The following ITPKB variants were observed in gnomAD, a reference collection of about 807,000 sequenced individuals.
ITPKB encodes the protein IP3 3-kinase B.
A neutral mutation model predicts 69.4 loss-of-function variants in ITPKB; 13 were observed. That is an observed-to-expected ratio of 0.19 (90% confidence interval 0.12 to 0.30). The LOEUF (loss-of-function observed/expected upper bound fraction) is 0.30, where lower values mean the gene tolerates loss of function less well. ITPKB is among the 10% of genes least tolerant of loss of function. ITPKB has a pLI of 1.00. For synonymous variants in ITPKB, 584 were observed against 513.7 expected (o/e 1.14, Z -1.85); for missense variants, 1,240 against 1,250.5 (o/e 0.99, Z 0.13).
chr1:226,723,080 C>G (rs561842251), intron 2 of ITPKB, among the ~76,000 whole-genome samples: 2 of 152,294 alleles, frequency 1.3e-5, no homozygotes, highest in African/African-American at 2.4e-5. Context: ...CAGATGGAAC[C>G]TGTAGCCATC....
At chr1:226,724,510 G>C (rs1461017739) in intron 2 of ITPKB, among the ~76,000 whole-genome samples, 8 of 152,176 alleles carry the variant, frequency 5.3e-5, no homozygotes, top group Non-Finnish European at 7.3e-5. Context: ...AGTATGTCCA[G>C]ACGCTGTGCT....
At chr1:226,727,622 G>A (rs748826176) in intron 2 of ITPKB, among the ~76,000 whole-genome samples, 29 of 152,224 alleles carry the variant, frequency 1.9e-4, no homozygotes, top group Non-Finnish European at 3.8e-4. Context: ...ATGGATGGGG[G>A]CAGGGAGGGG....
At chr1:226,725,569 A>T (rs1423483505) in intron 2 of ITPKB, among the ~76,000 whole-genome samples, 1 of 152,216 alleles carries the variant, frequency 6.6e-6, no homozygotes, top group Non-Finnish European at 1.5e-5. Flanking sequence ...CCATGCCCCC[A>T]TTAAGTACCC....
chr1:226,658,280 T>C (rs1669334335), intron 2 of ITPKB, among the ~76,000 whole-genome samples: 1 of 152,220 alleles, frequency 6.6e-6, no homozygotes, highest in Non-Finnish European at 1.5e-5. Flanking sequence ...TTGTTCATTG[T>C]ATTCCCCCTG....
intron 2 of ITPKB, among the ~76,000 whole-genome samples, chr1:226,689,442 G>T (rs567519913): frequency 6.6e-6 from 1 of 152,318 alleles, no homozygotes; most frequent in East Asian, 1.9e-4. Context: ...TACTGTGGTA[G>T]GCCCAGGGAA....
rs1020808671 is a variant in ITPKB, at chr1:226,632,175, C to T, written c.*2496G>A. 2.4e-4 allele frequency: 37 copies of T among 152,684 alleles called. No homozygotes were observed. The highest frequency in any genetic ancestry group is 4.1e-4 in the Non-Finnish European group (28 of 68,054). 9.5% of individuals were successfully genotyped at this position (152,684 alleles called of 1,614,324 possible). ...AAAAGCAAGCAGTTGAAGAAACCTTCCGAGAATGCTAAGCAGTGCTGAATG... is the reference window on the plus strand; with the variant it reads ...AAAAGCAAGCAGTTGAAGAAACCTTTCGAGAATGCTAAGCAGTGCTGAATG... On this transcript the variant is annotated 3_prime_UTR_variant, in exon 8 of 8. Coordinates refer to ENST00000429204, the MANE Select transcript of ITPKB (RefSeq NM_002221.4).
At chr1:226,691,139 A>C (rs1656339327) in intron 2 of ITPKB, among the ~76,000 whole-genome samples, 1 of 152,076 alleles carries the variant, frequency 6.6e-6, no homozygotes, top group African/African-American at 2.4e-5. Context: ...GATGGTGGTG[A>C]TGGCTGCGTG....
intron 2 of ITPKB, among the ~76,000 whole-genome samples, chr1:226,693,614 T>C (rs935113195): frequency 1.3e-5 from 2 of 152,252 alleles, no homozygotes; most frequent in African/African-American, 4.8e-5. Context: ...TTATTTTCTA[T>C]TCTACTCTAT....
At chr1:226,640,267 C>T (rs1331886487) in intron 5 of ITPKB, among the ~76,000 whole-genome samples, 2 of 152,230 alleles carry the variant, frequency 1.3e-5, no homozygotes, top group Non-Finnish European at 1.5e-5. Flanking sequence ...TTCAGGCTGT[C>T]CTGGGCCCTC....
intron 4 of ITPKB, among the ~76,000 whole-genome samples, chr1:226,643,893 G>C (rs1157330555): frequency 1.3e-5 from 2 of 152,238 alleles, no homozygotes; most frequent in Non-Finnish European, 2.9e-5. Context: ...ACCCATGCAG[G>C]ACACGCACAG....
At chr1:226,649,518 T>C (rs562979997) in intron 2 of ITPKB, among the ~76,000 whole-genome samples, 12 of 148,460 alleles carry the variant, frequency 8.1e-5, no homozygotes, top group African/African-American at 2.3e-4. Flanking sequence ...TATGTGCATG[T>C]GTGTGATGTG....
chr1:226,736,418 C>T lies in ITPKB; in HGVS notation c.1041G>A (p.Gly347=). 1 of 1,612,794 alleles carries T rather than the reference C, an allele frequency of 6.2e-7. No homozygotes were observed. Among genetic ancestry groups the T allele is most frequent in the Non-Finnish European group, 8.5e-7 (1 of 1,180,000 alleles). The change falls in exon 2 of 8, where the codon GGG becomes GGA. Residue 347 remains glycine, a synonymous_variant. Coordinates refer to ENST00000429204, the MANE Select transcript of ITPKB (RefSeq NM_002221.4). ...QPPEALVERQ[G]QFLGSETSPA... is the part of the protein sequence containing the mutation. ...GGCTTGTCTCACTGCCCAGAAACTG[C>T]CCCTGCCTCTCCACCAGGGCCTCTG...
At chr1:226,659,860 G>A (rs1408952110) in intron 2 of ITPKB, among the ~76,000 whole-genome samples, 8 of 152,136 alleles carry the variant, frequency 5.3e-5, no homozygotes, top group Non-Finnish European at 1.2e-4. Flanking sequence ...CCCCCAGGCT[G>A]CACAGCCGGC....
intron 2 of ITPKB, among the ~76,000 whole-genome samples, chr1:226,713,663 C>T (rs193186226): frequency 6.6e-6 from 1 of 152,212 alleles, no homozygotes; most frequent in African/African-American, 2.4e-5. Context: ...GGCATCTCTT[C>T]GCTCTCAGAC....
intron 2 of ITPKB, among the ~76,000 whole-genome samples, chr1:226,650,619 G>T (rs183513578): frequency 2.0e-5 from 3 of 152,378 alleles, no homozygotes; most frequent in Non-Finnish European, 2.9e-5. Context: ...AGCCATTACG[G>T]TGGGTCCAGG....
chr1:226,657,576 G>T (rs1304526595), intron 2 of ITPKB, among the ~76,000 whole-genome samples: 1 of 152,136 alleles, frequency 6.6e-6, no homozygotes, highest in Non-Finnish European at 1.5e-5. Context: ...CTCCGAAAAC[G>T]GTATTGCCAG....
chr1:226,707,604 G>T, intron 2 of ITPKB: 7 of 987,642 alleles, frequency 7.1e-6, no homozygotes, highest in Non-Finnish European at 7.2e-6. Context: ...GGCAGTGGGG[G>T]CTCAATGGGG....
At chr1:226,652,007 G>A (rs1232099519) in intron 2 of ITPKB, among the ~76,000 whole-genome samples, 1 of 152,254 alleles carries the variant, frequency 6.6e-6, no homozygotes, top group Non-Finnish European at 1.5e-5. Context: ...TATTCCACTT[G>A]TGAGAATGCC....
intron 2 of ITPKB, among the ~76,000 whole-genome samples, chr1:226,665,866 C>T (rs1669491493): frequency 6.6e-6 from 1 of 152,220 alleles, no homozygotes; most frequent in South Asian, 2.1e-4. Flanking sequence ...GAGACACTCA[C>T]GGAAGCACCT....
Sources: gnomAD v4.1 joint callset for allele counts (sites outside exome capture counted in the v4.1 genomes callset) on GRCh38, gnomAD v4.1.1 for gene constraint, MANE v1.5 for transcripts, NCBI Gene and HGNC (gene_info 2026-07-23, HGNC 2026-07-21) for gene names.